Variants in NCOA7 observed in about 807,000 individuals in gnomAD.
NCOA7 encodes the protein nuclear receptor coactivator 7, also known as 140 kDa estrogen receptor-associated protein.
NCOA7 carries 45 observed loss-of-function variants against 104.3 expected under a neutral mutation model. The ratio of observed to expected loss-of-function variants is 0.43; its 90% CI spans 0.34 to 0.55. NCOA7 has a LOEUF of 0.55. Ranked by LOEUF, NCOA7 falls within the 20% of genes least tolerant of loss-of-function variation. NCOA7 has a pLI of 0.02. For missense variants in NCOA7, 1,041 were observed against 1,119.7 expected, an observed-to-expected ratio of 0.93 and a Z score of 1.00; for synonymous variants, 398 against 402.3, an observed-to-expected ratio of 0.99 and a Z score of 0.13.
intron 10 of NCOA7, among the ~76,000 whole-genome samples, chr6:125,902,954 T>C (rs1785640815): frequency 6.6e-6 from 1 of 152,210 alleles, no homozygotes; most frequent in African/African-American, 2.4e-5. Context: ...AAATGAAAAT[T>C]AGTTGCTGCT....
chr6:125,846,687 A>G (rs898765230), intron 2 of NCOA7, among the ~76,000 whole-genome samples: 1 of 152,224 alleles, frequency 6.6e-6, no homozygotes, highest in Non-Finnish European at 1.5e-5. Flanking sequence ...ACGTTTACAT[A>G]TATGCCATAG....
Position 125,822,282 on chromosome 6 carries a change from T to C in NCOA7, c.50+6878T>C, listed in dbSNP as rs1484818919. On this transcript the variant is annotated intron_variant, in intron 2 of 15. Coordinates refer to ENST00000392477, the MANE Select transcript of NCOA7 (RefSeq NM_181782.5). ...CGCAAATAGAACAGTTTTAAGTACT[T>C]GCTAAATGTTAGCTTTATACTTTTT... 2.6e-5 allele frequency among the ~76,000 whole-genome samples: 4 copies of C among 152,262 alleles called. No individual in the cohort carries two copies. In the East Asian group the frequency reaches 5.8e-4, roughly 22 times the overall value.
chr6:125,878,422 A>T, intron 5 of NCOA7, 52 bp downstream of exon 5: 2 of 1,336,448 alleles, frequency 1.5e-6, no homozygotes, highest in Non-Finnish European at 2.1e-6. Flanking sequence ...TTTATCTTTT[A>T]TTGCCGTTTT....
chr6:125,877,628 T>C (rs1376157113), intron 4 of NCOA7, among the ~76,000 whole-genome samples: 1 of 152,242 alleles, frequency 6.6e-6, no homozygotes, highest in Non-Finnish European at 1.5e-5. Context: ...CTGGGACATA[T>C]GTCACAAGTT....
At chr6:125,922,536 A>C in intron 12 of NCOA7, 146 bp from the exon 13 acceptor site, 2 of 939,294 alleles carry the variant, frequency 2.1e-6, no homozygotes, top group Non-Finnish European at 3.1e-6. Flanking sequence ...CTTGGTTTAG[A>C]ATAGCAAATA....
chr6:125,815,664 C>A (rs1029617035), intron 2 of NCOA7, among the ~76,000 whole-genome samples: 2 of 152,220 alleles, frequency 1.3e-5, no homozygotes, highest in Non-Finnish European at 2.9e-5. Flanking sequence ...CTCTGACCTG[C>A]AAATTGCTCC....
At chr6:125,923,124 A>G (rs994166882) in intron 13 of NCOA7, among the ~76,000 whole-genome samples, 2 of 152,188 alleles carry the variant, frequency 1.3e-5, no homozygotes, top group East Asian at 1.9e-4. Context: ...CATGAAGTGG[A>G]AAAGTATAAT....
Position 125,914,956 on chromosome 6 carries a change from T to C in NCOA7, c.2097-377T>C, listed in dbSNP as rs574367413. 1.9e-4 allele frequency among the ~76,000 whole-genome samples: 29 copies of C among 152,292 alleles called. No homozygotes were observed. In the South Asian group the frequency reaches 4.6e-3, roughly 24 times the overall value. The stretch of plus-strand genomic sequence containing the variant: ...GACCCGTTGTAGTATTGTTTATCTT[T>C]GTTCCTAGCTAAAGCTTCAGATCTA... On this transcript the variant is annotated intron_variant, in intron 10 of 15. Transcript: ENST00000392477.
intron 11 of NCOA7, among the ~76,000 whole-genome samples, chr6:125,917,257 G>A (rs1361863261): frequency 6.6e-6 from 1 of 151,362 alleles, no homozygotes; most frequent in East Asian, 1.9e-4. Context: ...TGGAAACACT[G>A]ACCTGTAGGG....
intron 1 of NCOA7, among the ~76,000 whole-genome samples, chr6:125,813,352 C>T (rs1777244215): frequency 6.6e-6 from 1 of 152,124 alleles, no homozygotes; most frequent in Non-Finnish European, 1.5e-5. Context: ...TCTTCATCCT[C>T]AGCTCACTTT....
At chr6:125,853,690 A>C (rs957492633) in intron 2 of NCOA7, among the ~76,000 whole-genome samples, 2 of 152,012 alleles carry the variant, frequency 1.3e-5, no homozygotes, top group African/African-American at 4.8e-5. Context: ...TGTCTTTATG[A>C]TTGTATTAGG....
At chr6:125,802,455 A>T (rs546254695) in intron 1 of NCOA7, 83 of 152,290 alleles carry the variant, frequency 5.5e-4, no homozygotes, top group African/African-American at 1.9e-3. Flanking sequence ...CTGAAGAGGG[A>T]AAAGCAGCTA....
chr6:125,870,788 C>G (rs530937055), intron 3 of NCOA7, among the ~76,000 whole-genome samples: 1 of 152,232 alleles, frequency 6.6e-6, no homozygotes, highest in South Asian at 2.1e-4. Flanking sequence ...TCTGGACACT[C>G]CAGGCCCTTT....
intron 3 of NCOA7, among the ~76,000 whole-genome samples, chr6:125,867,890 C>T (rs1222216465): frequency 1.3e-5 from 2 of 152,178 alleles, no homozygotes; most frequent in Admixed American, 6.5e-5. Flanking sequence ...AATCTTCCTT[C>T]CAGAAAGCTG....
intron 10 of NCOA7, among the ~76,000 whole-genome samples, chr6:125,893,378 A>G (rs1380227744): frequency 6.6e-6 from 1 of 152,248 alleles, no homozygotes; most frequent in Non-Finnish European, 1.5e-5. Context: ...TCACAGGATA[A>G]TTAAATTTCG....
intron 13 of NCOA7, among the ~76,000 whole-genome samples, chr6:125,925,531 C>T (rs1470608454): frequency 1.3e-5 from 2 of 152,206 alleles, no homozygotes; most frequent in Non-Finnish European, 2.9e-5. Context: ...TTAATAGAGA[C>T]TAATTACTAA....
chr6:125,885,274 T>C lies in NCOA7; in HGVS notation c.815T>C (p.Met272Thr). Residue 272 changes from methionine (M) to threonine (T), a missense_variant, in exon 8 of 16, where the codon ATG becomes ACG. By Grantham distance (81) the Met-to-Thr change is moderately conservative. Coordinates refer to ENST00000392477, the MANE Select transcript of NCOA7 (RefSeq NM_181782.5). Reference sequence around the variant, plus strand: ...GAGGAGTATGGTCTCATCTGCCCCATGGAAGAGGTTGTTTCCATTGCGCTC... The same window carrying C: ...GAGGAGTATGGTCTCATCTGCCCCACGGAAGAGGTTGTTTCCATTGCGCTC... ...GCEEYGLICP[M>T]EEVVSIALYN... The C allele has an allele frequency of 6.2e-7, 1 of 1,614,048 alleles. No individual in the cohort carries two copies. Among genetic ancestry groups the C allele is most frequent in the Admixed American group, 1.7e-5 (1 of 60,004 alleles).
chr6:125,920,504 T>C (rs191196827), intron 11 of NCOA7, among the ~76,000 whole-genome samples: 1 of 152,372 alleles, frequency 6.6e-6, no homozygotes, highest in Non-Finnish European at 1.5e-5. Flanking sequence ...TGTTATATAC[T>C]ATTCTCAGTG....
chr6:125,792,676 G>A (rs1268087), intron 1 of NCOA7, among the ~76,000 whole-genome samples: 24,402 of 151,484 alleles, frequency 0.16, 3,268 homozygotes, highest in African/African-American at 0.37. Flanking sequence ...TTTTCTCCTC[G>A]GTATAGAAAC....
Sources: allele counts gnomAD v4.1 joint callset (sites outside exome capture counted in the v4.1 genomes callset), GRCh38; gene constraint gnomAD v4.1.1; transcripts MANE v1.5; gene names NCBI Gene and HGNC (gene_info 2026-07-23, HGNC 2026-07-21).